LTBP1: variants seen among roughly 807,000 people sequenced by gnomAD.
The protein encoded by LTBP1 is latent-transforming growth factor beta-binding protein 1.
A neutral mutation model predicts 207.6 loss-of-function variants in LTBP1; 129 were observed. The ratio of observed to expected loss-of-function variants is 0.62; its 90% CI spans 0.54 to 0.72. LTBP1 has a LOEUF of 0.72. Ranked by LOEUF, LTBP1 falls within the 30% of genes least tolerant of loss-of-function variation. The pLI, the probability that LTBP1 is intolerant of heterozygous loss-of-function variation, is 0.00. For synonymous variants in LTBP1, 963 were observed against 833.7 expected, an observed-to-expected ratio of 1.16 and a Z score of -2.67; for missense variants, 2,281 against 2,217.2, an observed-to-expected ratio of 1.03 and a Z score of -0.58.
intron 4 of LTBP1, among the ~76,000 whole-genome samples, chr2:33,126,051 G>C (rs2150460843): frequency 6.6e-6 from 1 of 152,120 alleles, no homozygotes; most frequent in Admixed American, 6.5e-5. Context: ...GTGACTGTTG[G>C]CAGGAGATTT....
chr2:33,320,379 A>G (rs188251850), intron 24 of LTBP1, among the ~76,000 whole-genome samples: 2 of 151,080 alleles, frequency 1.3e-5, no homozygotes, highest in East Asian at 1.9e-4. Flanking sequence ...AAGAAAAAAA[A>G]GCGTGATAAA....
At chr2:33,221,952 T>C (rs2091137616) in intron 8 of LTBP1, 128 bp from the exon 9 acceptor site, 2 of 607,466 alleles carry the variant, frequency 3.3e-6, no homozygotes, top group Admixed American at 5.0e-5. Flanking sequence ...TATACATTGG[T>C]ATTGGTTTCT....
intron 3 of LTBP1, among the ~76,000 whole-genome samples, chr2:33,104,705 A>C (rs1170124002): frequency 6.6e-6 from 1 of 152,082 alleles, no homozygotes; most frequent in Non-Finnish European, 1.5e-5. Context: ...TTCCTGAAAC[A>C]TTTTTGCATT....
At chr2:33,166,230 A>G (rs1211949912) in intron 5 of LTBP1, among the ~76,000 whole-genome samples, 2 of 152,212 alleles carry the variant, frequency 1.3e-5, no homozygotes, top group African/African-American at 4.8e-5. Context: ...TATAAAATGT[A>G]TGGTACATTT....
chr2:33,040,208 C>T (rs2076115648), intron 3 of LTBP1, among the ~76,000 whole-genome samples: 1 of 152,094 alleles, frequency 6.6e-6, no homozygotes, highest in African/African-American at 2.4e-5. Flanking sequence ...ATCCTGAAAG[C>T]AGGAGAGGGC....
chr2:33,113,623 A>C (rs528040634), intron 4 of LTBP1, among the ~76,000 whole-genome samples: 1 of 152,170 alleles, frequency 6.6e-6, no homozygotes, highest in African/African-American at 2.4e-5. Context: ...TTGATTCTGT[A>C]TATTTACCAG....
chr2:33,166,833 C>G (rs2084960862), intron 5 of LTBP1, among the ~76,000 whole-genome samples: 1 of 152,162 alleles, frequency 6.6e-6, no homozygotes, highest in South Asian at 2.1e-4. Flanking sequence ...TAATGAATCA[C>G]GTGGCCCTGA....
At chr2:32,972,170 G>T (rs1445066510) in intron 2 of LTBP1, among the ~76,000 whole-genome samples, 2 of 144,966 alleles carry the variant, frequency 1.4e-5, no homozygotes, top group African/African-American at 5.0e-5. Context: ...ATTTCTGATT[G>T]TATTCATTTG....
intron 7 of LTBP1, among the ~76,000 whole-genome samples, chr2:33,216,460 A>G (rs1446348785): frequency 6.6e-6 from 1 of 152,160 alleles, no homozygotes; most frequent in Non-Finnish European, 1.5e-5. Context: ...AGATTGCCTT[A>G]GGTGGGAATA....
intron 31 of LTBP1, among the ~76,000 whole-genome samples, chr2:33,380,914 A>G (rs1325136124): frequency 6.6e-6 from 1 of 152,148 alleles, no homozygotes; most frequent in Non-Finnish European, 1.5e-5. Flanking sequence ...AGTTCTTTGT[A>G]TGTATAACTT....
At chr2:33,370,104 G>A (rs1378729588) in intron 31 of LTBP1, among the ~76,000 whole-genome samples, 2 of 149,584 alleles carry the variant, frequency 1.3e-5, no homozygotes, top group African/African-American at 2.5e-5. Context: ...CTGCCTTTCA[G>A]GGTGGTTGTG....
chr2:33,041,127 T>A (rs1472304893), intron 3 of LTBP1, among the ~76,000 whole-genome samples: 1 of 152,224 alleles, frequency 6.6e-6, no homozygotes, highest in East Asian at 1.9e-4. Flanking sequence ...CCTCAAAGAA[T>A]GATTAAGAGG....
At chr2:33,386,602 A>G (rs1418312446) in intron 31 of LTBP1, among the ~76,000 whole-genome samples, 2 of 152,208 alleles carry the variant, frequency 1.3e-5, no homozygotes, top group Non-Finnish European at 2.9e-5. Context: ...AGGTGATAGG[A>G]TCGCTTGAGC....
chr2:33,202,310 GC>G (rs1417691853), intron 7 of LTBP1, among the ~76,000 whole-genome samples: 4 of 152,144 alleles, frequency 2.6e-5, no homozygotes, highest in Non-Finnish European at 5.9e-5. Context: ...TAGATGTGAT[GC>G]CTGCCAACTC....
chr2:33,296,409 A>G (rs1370716109), intron 20 of LTBP1, among the ~76,000 whole-genome samples: 2 of 152,102 alleles, frequency 1.3e-5, no homozygotes, highest in Admixed American at 1.3e-4. Flanking sequence ...GTACTTGTTC[A>G]AGATTATCCT....
chr2:33,293,373 C>T, intron 20 of LTBP1, 91 bp downstream of exon 20: 1 of 1,324,266 alleles, frequency 7.6e-7, no homozygotes, highest in Non-Finnish European at 1.0e-6. Flanking sequence ...AACCCTGCTA[C>T]CTGTGTTTAT....
intron 5 of LTBP1, among the ~76,000 whole-genome samples, chr2:33,157,736 T>G (rs544163691): frequency 6.6e-6 from 1 of 152,172 alleles, no homozygotes; most frequent in Non-Finnish European, 1.5e-5. Context: ...CAGAGAGAGA[T>G]CTTGCCCCAG....
intron 2 of LTBP1, among the ~76,000 whole-genome samples, chr2:32,954,903 G>A (rs1207363238): frequency 3.3e-5 from 5 of 152,152 alleles, no homozygotes; most frequent in Non-Finnish European, 5.9e-5. Context: ...GGTGTTAGGA[G>A]AGATGAGGAA....
intron 3 of LTBP1, among the ~76,000 whole-genome samples, chr2:33,051,343 G>A (rs528488647): frequency 6.6e-5 from 10 of 152,230 alleles, no homozygotes; most frequent in Non-Finnish European, 1.2e-4. Flanking sequence ...CTTGAGTCCA[G>A]GAGTTTGAGG....
Sources: allele counts gnomAD v4.1 joint callset (sites outside exome capture counted in the v4.1 genomes callset), GRCh38; gene constraint gnomAD v4.1.1; transcripts MANE v1.5; gene names NCBI Gene and HGNC (gene_info 2026-07-23, HGNC 2026-07-21).